Variants in RHNO1 observed in about 807,000 individuals in gnomAD.
RHNO1 encodes RAD9, HUS1, RAD1-interacting nuclear orphan protein 1.
In RHNO1, 9 loss-of-function variants were observed where a neutral mutation model predicts 7.2. The observed-to-expected ratio is 1.25, with a 90% CI of 0.75 to 2.18. RHNO1 has a LOEUF of 2.18. Among genes scored for constraint, RHNO1 ranks in the 30% most tolerant of loss-of-function variants. The pLI, the probability that RHNO1 is intolerant of heterozygous loss-of-function variation, is 0.00. For missense variants in RHNO1, 292 were observed against 284.5 expected, an observed-to-expected ratio of 1.03 and a Z score of -0.19; for synonymous variants, 95 against 107.5, an observed-to-expected ratio of 0.88 and a Z score of 0.72.
intron 1 of RHNO1, among the ~76,000 whole-genome samples, chr12:2,883,503 ATATATATATTTTTTTTTTTTT>A (rs1254116460): frequency 6.0e-4 from 21 of 34,818 alleles, no homozygotes; most frequent in Middle Eastern, 0.013. Flanking sequence ...ATATATATAT[ATATATATATTTTTTTTTTTTT>A]TTTTTTTTTT....
rs969768117 is a variant in RHNO1, at chr12:2,877,275, C to T, written c.-92C>T. The T allele has an allele frequency of 3.3e-5, 5 of 152,230 alleles. No homozygotes were observed. The highest frequency in any genetic ancestry group is 9.6e-5 in the African/African-American group (4 of 41,464). The allele number at this position is 152,230 out of a possible 1,614,324, so 9.4% of individuals were successfully genotyped here. ...GCCAGGAGCTGCGGCCCCGTCCGGC[C>T]CGGGCTGGTAAGGCGGACCGCAGGC... On this transcript the variant is annotated 5_prime_UTR_variant, in exon 1 of 3. Coordinates refer to ENST00000489288, the MANE Select transcript of RHNO1 (RefSeq NM_001252499.3).
rs1221025986 is a variant in RHNO1, at chr12:2,889,016, AT to A, written c.*558del. On this transcript the variant is annotated 3_prime_UTR_variant, in exon 3 of 3. Transcript: ENST00000489288. ...TACAGCAATATTACCCCATCCACTA[AT>A]GGTCTTTGTTTCCTTAACCACTACT... 2 of 152,164 alleles carry A rather than the reference AT, an allele frequency of 1.3e-5. No homozygotes were observed. The highest frequency in any genetic ancestry group is 2.9e-5 in the Non-Finnish European group (2 of 68,080). The allele number at this position is 152,164 out of a possible 1,614,324, so 9.4% of individuals were successfully genotyped here.
intron 1 of RHNO1, among the ~76,000 whole-genome samples, chr12:2,880,398 C>T (rs752923207): frequency 1.3e-5 from 2 of 151,902 alleles, no homozygotes; most frequent in Non-Finnish European, 2.9e-5. Flanking sequence ...GGGCAGATCA[C>T]CTGAGGTCAG....
At chr12:2,878,497 C>G (rs920024544) in intron 1 of RHNO1, among the ~76,000 whole-genome samples, 15 of 151,858 alleles carry the variant, frequency 9.9e-5, no homozygotes, top group Admixed American at 2.0e-4. Flanking sequence ...TTAGCCATAC[C>G]GAGAAGTTTT....
rs10558952 is a variant in RHNO1, at chr12:2,885,561, ATTTTTTTTTTT to A, written c.168+48_168+58del. On this transcript the variant is annotated intron_variant, in intron 2 of 2. Transcript: ENST00000489288. ...TAGGCCCATGGGATTACTATTTGACATTTTTTTTTTTTTTTTTTTTTTTTTTTTTTTGAGAC... is the reference window on the plus strand; with the variant it reads ...TAGGCCCATGGGATTACTATTTGACATTTTTTTTTTTTTTTTTTTTGAGAC... The A allele has an allele frequency of 1.1e-4, 44 of 399,320 alleles. 1 individual carries two copies. In the East Asian group the frequency reaches 1.8e-3, roughly 16 times the overall value. 24.7% of individuals were successfully genotyped at this position (399,320 alleles called of 1,614,324 possible). A position where few individuals can be genotyped will look rare whatever the true frequency, so the allele number is the denominator to read the frequency against.
At chr12:2,884,506 C>T (rs111798532) in intron 1 of RHNO1, among the ~76,000 whole-genome samples, 255 of 152,298 alleles carry the variant, frequency 1.7e-3, no homozygotes, top group African/African-American at 5.2e-3. Flanking sequence ...GGATTAGAGG[C>T]GTGAGCCACC....
chr12:2,881,819 C>T lies in RHNO1; in HGVS notation c.-84-3464C>T, dbSNP rs533572334. Among the ~76,000 whole-genome samples, 135 of 151,336 alleles carry T rather than the reference C, an allele frequency of 8.9e-4. 1 individual carries two copies. Among genetic ancestry groups the T allele is most frequent in the African/African-American group, 3.2e-3 (131 of 41,066 alleles). ...ACTCATGAAGCTGAGGCAGGAGAAT[C>T]GCTTGAACCCAGGAGGTAGAGGTTG... On this transcript the variant is annotated intron_variant, in intron 1 of 2. Coordinates refer to ENST00000489288, the MANE Select transcript of RHNO1 (RefSeq NM_001252499.3).
At chr12:2,878,969 GT>G (rs5796032) in intron 1 of RHNO1, among the ~76,000 whole-genome samples, 66,387 of 149,958 alleles carry the variant, frequency 0.44, 15,612 homozygotes, top group East Asian at 0.64. Flanking sequence ...CTCAGAATGA[GT>G]TTTTTTTTTA....
chr12:2,887,926 G>A lies in RHNO1; in HGVS notation c.184G>A (p.Asp62Asn). The A allele has an allele frequency of 6.4e-7, 1 of 1,558,412 alleles. No individual in the cohort carries two copies. The highest frequency in any genetic ancestry group is 2.3e-5 in the East Asian group (1 of 44,116). The change falls in exon 3 of 3, where the codon GAT becomes AAT. Residue 62 changes from aspartate to asparagine, a missense_variant. By Grantham distance (23) the Asp-to-Asn change is conservative (BLOSUM62 1). Transcript: ENST00000489288. ...TITSWVSPDFDTAAGSLFPAY... is the reference protein window; with the variant it reads ...TITSWVSPDFNTAAGSLFPAY... ...TTTTTTTAAGGTATCACCTGATTTT[G>A]ATACAGCAGCAGGAAGCTTGTTCCC... is the stretch of plus-strand genomic sequence containing the variant.
intron 1 of RHNO1, among the ~76,000 whole-genome samples, chr12:2,877,709 C>T (rs935385564): frequency 1.3e-5 from 2 of 152,190 alleles, no homozygotes; most frequent in African/African-American, 2.4e-5. Context: ...CGAAGCCAAG[C>T]CTTCGGATAT....
In RHNO1 at chr12:2,888,357, C is replaced by G. The variant is rs1254781109; in HGVS notation, c.615C>G (p.Asp205Glu). 1 of 1,613,996 alleles carries G rather than the reference C, an allele frequency of 6.2e-7. No homozygotes were observed. The highest frequency in any genetic ancestry group is 2.2e-5 in the East Asian group (1 of 44,898). ...TTCTGGTTAAAGACACCCCCGAGGA[C>G]AAGTATGGAATAAAGGTCACATGGA... is the stretch of plus-strand genomic sequence containing the variant. Reference protein sequence around the residue: ...GPVLVKDTPEDKYGIKVTWRR... With the variant: ...GPVLVKDTPEEKYGIKVTWRR... Residue 205 changes from aspartate to glutamate, a missense_variant, in exon 3 of 3, where the codon GAC (aspartate) becomes GAG (glutamate). Physicochemically the swap from Asp to Glu is conservative, Grantham distance 45 (BLOSUM62 2). Coordinates refer to ENST00000489288, the MANE Select transcript of RHNO1 (RefSeq NM_001252499.3).
At chr12:2,887,664 G>T (rs181370391) in intron 2 of RHNO1, among the ~76,000 whole-genome samples, 1 of 152,158 alleles carries the variant, frequency 6.6e-6, no homozygotes, top group East Asian at 1.9e-4. Context: ...AAGAAAAAAA[G>T]TTATATCCAT....
chr12:2,885,558 GAC>G, intron 2 of RHNO1, 24 bp downstream of exon 2: 1 of 605,548 alleles, frequency 1.7e-6, no homozygotes. Flanking sequence ...ATTACTATTT[GAC>G]ATTTTTTTTT....
intron 2 of RHNO1, among the ~76,000 whole-genome samples, chr12:2,886,528 G>A (rs762151349): frequency 5.3e-5 from 8 of 151,908 alleles, no homozygotes; most frequent in South Asian, 2.1e-4. Context: ...ATGGTGGTGC[G>A]CACCTGTAGT....
Position 2,888,440 on chromosome 12 carries a change from A to T in RHNO1, c.698A>T (p.Gln233Leu). 6.4e-7 allele frequency: 1 copy of T among 1,572,060 alleles called. No individual in the cohort carries two copies. The highest frequency in any genetic ancestry group is 2.2e-5 in the East Asian group (1 of 44,490). Residue 233 changes from glutamine (Q) to leucine (L), a missense_variant, in exon 3 of 3, where the codon CAA becomes CTA. Gln to Leu is a moderately radical substitution (Grantham distance 113). Transcript: ENST00000489288. The part of the protein sequence containing the change: ...LRERGKLSRS[Q>L]FLVKS The stretch of plus-strand genomic sequence containing the variant: ...GAGAGAGGGAAGCTGAGCAGAAGCC[A>T]ATTCCTTGTGAAAAGCTGACTGCCA...
chr12:2,885,330 A>G lies in RHNO1; in HGVS notation c.-37A>G, dbSNP rs779958767. 2 of 1,593,564 alleles carry G rather than the reference A, an allele frequency of 1.3e-6. No individual in the cohort carries two copies. The highest frequency in any genetic ancestry group is 1.1e-5 in the South Asian group (1 of 88,606). On this transcript the variant is annotated 5_prime_UTR_variant, in exon 2 of 3. Coordinates refer to ENST00000489288, the MANE Select transcript of RHNO1 (RefSeq NM_001252499.3). ...ATCCCCCAACCCGAAGGCTAACAGC[A>G]TCATGTGGTTACTAACTGTTCCTCA...
rs2098167922 is a variant in RHNO1, at chr12:2,888,223, G to C, written c.481G>C (p.Glu161Gln). ...VFIPPDIQTP[E>Q]SSSVKEELIP... ...CATTCCACCTGATATCCAGACCCCAGAGTCATCGTCTGTGAAGGAAGAACT... is the reference window on the plus strand; with the variant it reads ...CATTCCACCTGATATCCAGACCCCACAGTCATCGTCTGTGAAGGAAGAACT... The change falls in exon 3 of 3, where the codon GAG (glutamate) becomes CAG (glutamine). Residue 161 changes from glutamate (E) to glutamine (Q), a missense_variant. Transcript: ENST00000489288. The C allele has an allele frequency of 6.2e-7, 1 of 1,613,946 alleles. No individual in the cohort carries two copies. The highest frequency in any genetic ancestry group is 8.5e-7 in the Non-Finnish European group (1 of 1,180,024).
In RHNO1 at chr12:2,886,580, C is replaced by T. The variant is rs114719316; in HGVS notation, c.168+1046C>T. On this transcript the variant is annotated intron_variant, in intron 2 of 2. Coordinates refer to ENST00000489288, the MANE Select transcript of RHNO1 (RefSeq NM_001252499.3). ...GCTAAGGTGGGCAGATCTCTTGAAC[C>T]GGGAGGTCAAGGCTGTAGTGAGCCA... Among the ~76,000 whole-genome samples, 732 of 147,254 alleles carry T rather than the reference C, an allele frequency of 5.0e-3. 4 individuals carry two copies. The highest frequency in any genetic ancestry group is 0.017 in the African/African-American group (686 of 39,814).
intron 1 of RHNO1, among the ~76,000 whole-genome samples, chr12:2,879,626 G>A (rs2098154875): frequency 6.6e-6 from 1 of 151,832 alleles, no homozygotes; most frequent in Non-Finnish European, 1.5e-5. Flanking sequence ...GAGCCACTGC[G>A]CTCAGCCTTA....
Sources: allele counts gnomAD v4.1 joint callset (sites outside exome capture counted in the v4.1 genomes callset), GRCh38; gene constraint gnomAD v4.1.1; transcripts MANE v1.5; gene names NCBI Gene and HGNC (gene_info 2026-07-23, HGNC 2026-07-21).